SHLD1: variants seen among roughly 807,000 people sequenced by gnomAD.
SHLD1 encodes shieldin complex subunit 1, also known as RINN1-REV7-interacting novel NHEJ regulator 3.
A neutral mutation model predicts 5.5 loss-of-function variants in SHLD1; 3 were observed. That is an observed-to-expected ratio of 0.54 (90% CI 0.25 to 1.40). The LOEUF is 1.40. Ranked by LOEUF, SHLD1 falls within the 40% of genes most tolerant of loss-of-function variation. The pLI, the probability that SHLD1 is intolerant of heterozygous loss-of-function variation, is 0.15. For missense variants in SHLD1, 210 were observed against 244.4 expected (o/e 0.86, Z 0.94); for synonymous variants, 92 against 94.3 (o/e 0.98, Z 0.14).
intron 2 of SHLD1, among the ~76,000 whole-genome samples, chr20:5,851,805 G>A (rs1055603928): frequency 3.2e-4 from 48 of 151,286 alleles, no homozygotes; most frequent in Non-Finnish European, 6.5e-4. Context: ...GGAAGATGGG[G>A]CCTGGTGGCG....
chr20:5,795,550 G>A (rs1368609245), intron 2 of SHLD1, among the ~76,000 whole-genome samples: 1 of 134,900 alleles, frequency 7.4e-6, no homozygotes, highest in African/African-American at 2.9e-5. Flanking sequence ...AGTGAGCTGA[G>A]ATCATGCCAC....
intron 2 of SHLD1, among the ~76,000 whole-genome samples, chr20:5,813,375 A>G (rs2122382837): frequency 6.6e-6 from 1 of 152,274 alleles, no homozygotes; most frequent in South Asian, 2.1e-4. Context: ...CTGTAGTCCC[A>G]GCTACTTGGG....
chr20:5,779,048 C>A (rs538852661), intron 2 of SHLD1, among the ~76,000 whole-genome samples: 82 of 151,990 alleles, frequency 5.4e-4, no homozygotes, highest in African/African-American at 1.9e-3. Flanking sequence ...ACTAAAAATA[C>A]AAAAATCAGC....
intron 2 of SHLD1, among the ~76,000 whole-genome samples, chr20:5,773,839 C>A (rs554196339): frequency 6.6e-6 from 1 of 152,054 alleles, no homozygotes; most frequent in Admixed American, 6.6e-5. Context: ...TTAAGGTAAA[C>A]CTGTAAGATA....
intron 2 of SHLD1, among the ~76,000 whole-genome samples, chr20:5,852,395 T>TTTCC (rs1175021090): frequency 6.7e-6 from 1 of 149,304 alleles, no homozygotes; most frequent in African/African-American, 2.6e-5. Flanking sequence ...ATCACCTTCC[T>TTTCC]TTCCTTCCTT....
At chr20:5,856,333 C>T (rs150380911) in intron 2 of SHLD1, among the ~76,000 whole-genome samples, 1 of 152,230 alleles carries the variant, frequency 6.6e-6, no homozygotes, top group Non-Finnish European at 1.5e-5. Flanking sequence ...GTGAAACAGA[C>T]AGAGTGGTAG....
intron 2 of SHLD1, among the ~76,000 whole-genome samples, chr20:5,839,500 GATA>G (rs2087830854): frequency 6.6e-6 from 1 of 150,764 alleles, no homozygotes; most frequent in Non-Finnish European, 1.5e-5. Context: ...TAGATAGATA[GATA>G]GATAGATAGA....
intron 1 of SHLD1, among the ~76,000 whole-genome samples, chr20:5,751,922 A>C (rs1371756591): frequency 6.6e-6 from 1 of 152,204 alleles, no homozygotes; most frequent in Non-Finnish European, 1.5e-5. Flanking sequence ...TAGAAGTCTT[A>C]GGTGGATTTT....
intron 2 of SHLD1, among the ~76,000 whole-genome samples, chr20:5,782,551 A>ATT (rs1254298394): frequency 1.3e-5 from 2 of 152,226 alleles, no homozygotes; most frequent in Non-Finnish European, 2.9e-5. Context: ...AATTGGTTGC[A>ATT]TGTAGACAGC....
chr20:5,812,080 CT>C (rs1200570680), intron 2 of SHLD1, among the ~76,000 whole-genome samples: 8 of 136,812 alleles, frequency 5.8e-5, no homozygotes, highest in African/African-American at 1.9e-4. Context: ...TTTTTTTTTT[CT>C]TTTTTTTTCT....
chr20:5,863,577 A>G lies in SHLD1; in HGVS notation c.*114A>G, dbSNP rs752733611. The G allele has an allele frequency of 2.1e-5, 23 of 1,074,428 alleles. No homozygotes were observed. The highest frequency in any genetic ancestry group is 2.8e-5 in the Non-Finnish European group (21 of 746,618). The allele number at this position is 1,074,428 out of a possible 1,614,324, so 66.6% of individuals were successfully genotyped here. On this transcript the variant is annotated 3_prime_UTR_variant, in exon 3 of 3. Transcript: ENST00000303142. Reference sequence around the variant, plus strand: ...GGCCAGCTCTGTGTGCCCAATCCCAATTAAGTGCTTTGAGGTTAAAGGCTG... The same window carrying G: ...GGCCAGCTCTGTGTGCCCAATCCCAGTTAAGTGCTTTGAGGTTAAAGGCTG...
At position 5,755,533 on chromosome 20, in the gene SHLD1, T is replaced by C. The variant is rs899583958; in HGVS notation, c.-5+5054T>C. ...GTGTCAGAAAGGTTGGGGGCTACTGTAGTAAGGGAAGAACATTTTCTTTTT... is the reference window on the plus strand; with the variant it reads ...GTGTCAGAAAGGTTGGGGGCTACTGCAGTAAGGGAAGAACATTTTCTTTTT... On this transcript the variant is annotated intron_variant, in intron 1 of 2. Transcript: ENST00000303142. Among the ~76,000 whole-genome samples the C allele has an allele frequency of 4.3e-4, 65 of 151,946 alleles. 1 individual carries two copies. The highest frequency in any genetic ancestry group is 3.4e-3 in the Admixed American group (52 of 15,222).
At chr20:5,766,526 C>G (rs1984836856) in intron 1 of SHLD1, among the ~76,000 whole-genome samples, 1 of 152,112 alleles carries the variant, frequency 6.6e-6, no homozygotes, top group Non-Finnish European at 1.5e-5. Context: ...GGACTTTTGG[C>G]TGCGTTCATC....
intron 2 of SHLD1, among the ~76,000 whole-genome samples, chr20:5,840,870 G>T (rs958477974): frequency 6.6e-6 from 1 of 152,016 alleles, no homozygotes; most frequent in East Asian, 1.9e-4. Flanking sequence ...TTGTAATAAG[G>T]TAAGGCATTT....
At chr20:5,762,703 G>A (rs1355055883) in intron 1 of SHLD1, among the ~76,000 whole-genome samples, 1 of 147,812 alleles carries the variant, frequency 6.8e-6, no homozygotes, top group Admixed American at 6.7e-5. Context: ...GGCCAGGCGT[G>A]GTGGCTCACG....
Position 5,863,481 on chromosome 20 carries a change from G to A in SHLD1, c.*18G>A. On this transcript the variant is annotated 3_prime_UTR_variant, in exon 3 of 3. Coordinates refer to ENST00000303142, the MANE Select transcript of SHLD1 (RefSeq NM_152504.4). ...ACCTGTAACTGGTGCCGGGCAGTGTGCAGGGTAGTAATGGAGGTGCTGTGC... is the reference window on the plus strand; with the variant it reads ...ACCTGTAACTGGTGCCGGGCAGTGTACAGGGTAGTAATGGAGGTGCTGTGC... 6.3e-7 allele frequency: 1 copy of A among 1,576,004 alleles called. No homozygotes were observed. Among genetic ancestry groups the A allele is most frequent in the African/African-American group, 1.3e-5 (1 of 74,386 alleles).
Position 5,806,146 on chromosome 20 carries a change from T to G in SHLD1, c.178+33103T>G, listed in dbSNP as rs1018932524. ...TCCCAAAATGTTGGGATAATAGGTGTGAGCTACCACATCTGGCTGCTTTAT... is the reference window on the plus strand; with the variant it reads ...TCCCAAAATGTTGGGATAATAGGTGGGAGCTACCACATCTGGCTGCTTTAT... On this transcript the variant is annotated intron_variant, in intron 2 of 2. Coordinates refer to ENST00000303142, the MANE Select transcript of SHLD1 (RefSeq NM_152504.4). The surrounding 1 kb of genome is among the most constrained non-coding windows in gnomAD (Gnocchi z 7.6). 1.3e-5 allele frequency among the ~76,000 whole-genome samples: 2 copies of G among 152,218 alleles called. No individual in the cohort carries two copies. The highest frequency in any genetic ancestry group is 2.4e-5 in the African/African-American group (1 of 41,470).
intron 2 of SHLD1, among the ~76,000 whole-genome samples, chr20:5,835,032 C>G (rs1746460339): frequency 6.6e-6 from 1 of 152,178 alleles, no homozygotes; most frequent in South Asian, 2.1e-4. Context: ...GGAACACATT[C>G]AGATGATAGC....
chr20:5,844,963 A>G (rs2087915387), intron 2 of SHLD1, among the ~76,000 whole-genome samples: 2 of 150,840 alleles, frequency 1.3e-5, no homozygotes, highest in Admixed American at 1.3e-4. Flanking sequence ...CCTGGCTAAT[A>G]TTTTTTGTAT....
Sources: allele counts gnomAD v4.1 joint callset (sites outside exome capture counted in the v4.1 genomes callset), GRCh38; gene constraint gnomAD v4.1.1; non-coding constraint Gnocchi (gnomAD v3.1); transcripts MANE v1.5; gene names NCBI Gene and HGNC (gene_info 2026-07-23, HGNC 2026-07-21).